Variants in FRMD4B observed in about 807,000 individuals in gnomAD.
The protein encoded by FRMD4B is FERM domain containing 4B, also known as FERM domain-containing protein 4B.
FRMD4B carries 74 observed loss-of-function variants against 141.5 expected under a neutral mutation model. The observed-to-expected ratio is 0.52, with a 90% confidence interval of 0.43 to 0.63. The LOEUF (loss-of-function observed/expected upper bound fraction) is 0.63, where lower values mean the gene tolerates loss of function less well. Among genes scored for constraint, FRMD4B ranks in the 30% least tolerant of loss-of-function variants. The probability of loss-of-function intolerance (pLI) is 0.00; values close to 1 mark genes in which losing one functional copy is unlikely to be tolerated. For synonymous variants in FRMD4B, 506 were observed against 467.9 expected (o/e 1.08, Z -1.05); for missense variants, 1,366 against 1,253.4 (o/e 1.09, Z -1.36).
chr3:69,323,587 ACTCTCT>A (rs1202175989), intron 1 of FRMD4B, among the ~76,000 whole-genome samples: 1 of 103,096 alleles, frequency 9.7e-6, no homozygotes, highest in African/African-American at 3.6e-5. Flanking sequence ...CAAAAACCCA[ACTCTCT>A]CTCTCTCTCT....
At chr3:69,437,208 G>C (rs893714058) in intron 1 of FRMD4B, among the ~76,000 whole-genome samples, 1 of 151,906 alleles carries the variant, frequency 6.6e-6, no homozygotes, top group Admixed American at 6.6e-5. Flanking sequence ...GAGTAGCTGG[G>C]ACCACAGGCA....
chr3:69,368,098 A>G (rs1703719346), intron 1 of FRMD4B, among the ~76,000 whole-genome samples: 1 of 152,026 alleles, frequency 6.6e-6, no homozygotes, highest in African/African-American at 2.4e-5. Context: ...CTAAACTATA[A>G]TTTATTGAGT....
At chr3:69,525,098 A>G (rs2107140393) in intron 1 of FRMD4B, among the ~76,000 whole-genome samples, 1 of 152,342 alleles carries the variant, frequency 6.6e-6, no homozygotes, top group Non-Finnish European at 1.5e-5. Flanking sequence ...GTGTTCAGTA[A>G]TCATATACTA....
chr3:69,374,114 C>A (rs528092736), intron 1 of FRMD4B, among the ~76,000 whole-genome samples: 2 of 152,282 alleles, frequency 1.3e-5, no homozygotes, highest in South Asian at 2.1e-4. Context: ...AGCATGATAA[C>A]TTTTGGCTTA....
At chr3:69,365,355 G>A (rs1703607212) in intron 1 of FRMD4B, among the ~76,000 whole-genome samples, 1 of 152,090 alleles carries the variant, frequency 6.6e-6, no homozygotes, top group East Asian at 1.9e-4. Flanking sequence ...TATGGAAATT[G>A]GACATCTCTA....
At chr3:69,228,941 T>C (rs904624407) in intron 7 of FRMD4B, among the ~76,000 whole-genome samples, 1 of 151,800 alleles carries the variant, frequency 6.6e-6, no homozygotes, top group African/African-American at 2.4e-5. Context: ...TAGTGATTGA[T>C]TAAAGGCGAC....
At chr3:69,280,553 G>A (rs551466029) in intron 5 of FRMD4B, among the ~76,000 whole-genome samples, 8 of 152,074 alleles carry the variant, frequency 5.3e-5, no homozygotes, top group South Asian at 2.1e-4. Flanking sequence ...GTACAACAAC[G>A]TTCAGAATTA....
intron 1 of FRMD4B, chr3:69,472,361 A>C (rs1454729458): frequency 2.0e-6 from 1 of 493,146 alleles, no homozygotes; most frequent in Non-Finnish European, 4.1e-6. Flanking sequence ...GATATATCAC[A>C]TCTTCAACAT....
At chr3:69,434,303 T>C (rs779721435) in intron 1 of FRMD4B, among the ~76,000 whole-genome samples, 8 of 152,364 alleles carry the variant, frequency 5.3e-5, no homozygotes, top group Middle Eastern at 3.4e-3. Flanking sequence ...ATAAGCCATA[T>C]GCTATGCCAG....
chr3:69,325,994 A>G (rs1212083087), intron 1 of FRMD4B, among the ~76,000 whole-genome samples: 2 of 147,512 alleles, frequency 1.4e-5, no homozygotes, highest in African/African-American at 5.1e-5. Flanking sequence ...CTCTCTCTCT[A>G]TCACCCAGGC....
At position 69,410,306 on chromosome 3, in the gene FRMD4B, C is replaced by G. The variant is rs6802876; in HGVS notation, c.-1+22328G>C. Among the ~76,000 whole-genome samples, 1,249 of 152,262 alleles carry G rather than the reference C, an allele frequency of 8.2e-3. 18 individuals carry two copies. The highest frequency in any genetic ancestry group is 0.028 in the African/African-American group (1,176 of 41,540). On this transcript the variant is annotated intron_variant, in intron 2 of 5. Transcript: ENST00000459638. ...ACTAAGTCTCCAGATACTACTGGCA[C>G]TCCTGTGCCTAAGAGTGAGTGTGTG...
At chr3:69,200,316 C>T (rs1365483366) in intron 11 of FRMD4B, 1 of 599,988 alleles carries the variant, frequency 1.7e-6, no homozygotes, top group Non-Finnish European at 2.1e-6. Context: ...CTGTCTGTAA[C>T]TATAACACTC....
At position 69,291,455 on chromosome 3, in the gene FRMD4B, T is replaced by C. The variant is rs141245620; in HGVS notation, c.417-3619A>G. 1.2e-3 allele frequency among the ~76,000 whole-genome samples: 186 copies of C among 152,318 alleles called. 2 individuals are homozygous for C. Among genetic ancestry groups the C allele is most frequent in the Middle Eastern group, 6.8e-3 (2 of 294 alleles). On this transcript the variant is annotated intron_variant, in intron 4 of 22. Coordinates refer to ENST00000398540, the MANE Select transcript of FRMD4B (RefSeq NM_015123.3). ...TAATAAGTAAAGCTGCACTGGCCTATGGCAACAGTCACATATGCAAAAGTC... is the reference window on the plus strand; with the variant it reads ...TAATAAGTAAAGCTGCACTGGCCTACGGCAACAGTCACATATGCAAAAGTC...
At chr3:69,306,281 T>C (rs1356347672) in intron 3 of FRMD4B, 1 of 152,172 alleles carries the variant, frequency 6.6e-6, no homozygotes, top group Non-Finnish European at 1.5e-5. Flanking sequence ...TATCTACCCC[T>C]CTCAGGAGTG....
At chr3:69,408,370 G>A (rs1330360799) in intron 2 of FRMD4B, among the ~76,000 whole-genome samples, 1 of 152,160 alleles carries the variant, frequency 6.6e-6, no homozygotes, top group East Asian at 1.9e-4. Flanking sequence ...TATCAAGTGT[G>A]GTTCAAGAGC....
chr3:69,183,952 G>C, intron 19 of FRMD4B, among the ~76,000 whole-genome samples: 1 of 151,910 alleles, frequency 6.6e-6, no homozygotes, highest in East Asian at 1.9e-4. Flanking sequence ...CTTGAGGAGA[G>C]TGGCACAATC....
intron 1 of FRMD4B, among the ~76,000 whole-genome samples, chr3:69,466,706 C>A (rs981299892): frequency 1.3e-5 from 2 of 151,984 alleles, no homozygotes; most frequent in African/African-American, 4.8e-5. Flanking sequence ...CTTTTCTTTT[C>A]TTTTATTTTT....
At chr3:69,492,964 C>T (rs1293853898) in intron 1 of FRMD4B, among the ~76,000 whole-genome samples, 3 of 152,114 alleles carry the variant, frequency 2.0e-5, no homozygotes, top group Admixed American at 2.0e-4. Context: ...TCTCAGCAAC[C>T]ATCTCTGTAT....
chr3:69,392,868 G>A (rs1241635467), intron 2 of FRMD4B, among the ~76,000 whole-genome samples: 3 of 152,074 alleles, frequency 2.0e-5, no homozygotes, highest in Non-Finnish European at 2.9e-5. Flanking sequence ...AATGCCACTC[G>A]AGCCAGAGGC....
Sources: gnomAD v4.1 joint callset for allele counts (sites outside exome capture counted in the v4.1 genomes callset) on GRCh38, gnomAD v4.1.1 for gene constraint, MANE v1.5 for transcripts, NCBI Gene and HGNC (gene_info 2026-07-23, HGNC 2026-07-21) for gene names.